TENM2: variants seen among roughly 807,000 people sequenced by gnomAD.
The protein encoded by TENM2 is teneurin transmembrane protein 2.
Under a neutral mutation model 245.2 loss-of-function variants are expected in TENM2, and 52 were observed. That is an observed-to-expected ratio of 0.21 (90% CI 0.17 to 0.27). The LOEUF (loss-of-function observed/expected upper bound fraction) is 0.27. Among genes scored for constraint, TENM2 ranks in the 10% least tolerant of loss-of-function variants. The pLI is 1.00. For synonymous variants in TENM2, 1,363 were observed against 1,438.9 expected (o/e 0.95, Z 1.19); for missense variants, 3,046 against 3,666.8 (o/e 0.83, Z 4.37).
the TENM2 span, among the ~76,000 whole-genome samples, chr5:167,229,177 A>C: frequency 1.1e-3 from 164 of 152,128 alleles, 2 homozygotes; most frequent in Middle Eastern, 3.4e-3. Context: ...TTTGTTGGTG[A>C]CTTAGGGTAT....
Position 167,952,572 on chromosome 5 carries a change from C to T in TENM2, c.713-16C>T. ...AATTTGCAGACGCTAACAGTCATTTCTCCTTTTTTTTTCAGGCCCTCCGAA... is the reference window on the plus strand; with the variant it reads ...AATTTGCAGACGCTAACAGTCATTTTTCCTTTTTTTTTCAGGCCCTCCGAA... On this transcript the variant is annotated splice_polypyrimidine_tract_variant and intron_variant, in intron 3 of 28. Coordinates refer to ENST00000518659, the Ensembl canonical transcript of TENM2. 6.3e-7 allele frequency: 1 copy of T among 1,591,272 alleles called. No homozygotes were observed. The highest frequency in any genetic ancestry group is 8.6e-7 in the Non-Finnish European group (1 of 1,167,818).
chr5:167,831,407 T>C (rs897888094), intron 2 of TENM2, among the ~76,000 whole-genome samples: 5 of 151,868 alleles, frequency 3.3e-5, no homozygotes, highest in Admixed American at 6.6e-5. Flanking sequence ...CCATGTTATA[T>C]TCCTAGTGGT....
At chr5:167,048,064 G>T in the TENM2 span, among the ~76,000 whole-genome samples, 1 of 152,128 alleles carries the variant, frequency 6.6e-6, no homozygotes, top group African/African-American at 2.4e-5. Flanking sequence ...GCCAGAGATA[G>T]AATTCAATAA....
intron 2 of TENM2, among the ~76,000 whole-genome samples, chr5:167,579,647 C>G (rs186673638): frequency 6.6e-6 from 1 of 152,290 alleles, no homozygotes; most frequent in East Asian, 1.9e-4. Flanking sequence ...TCCACAGTAG[C>G]TCTAATTTTT....
chr5:166,979,188 C>CAGCAG, the TENM2 span, among the ~76,000 whole-genome samples: 3 of 97,550 alleles, frequency 3.1e-5, no homozygotes, highest in African/African-American at 1.2e-4. Flanking sequence ...AGCAGCAGCA[C>CAGCAG]CACCACCAGC....
upstream of TENM2, among the ~76,000 whole-genome samples, chr5:167,280,839 A>T (rs1348787895): frequency 6.6e-6 from 1 of 151,200 alleles, no homozygotes; most frequent in East Asian, 2.0e-4. Flanking sequence ...TGCCATATAT[A>T]TGGCAAAAAG....
At chr5:167,644,753 A>G (rs148184740) in intron 2 of TENM2, among the ~76,000 whole-genome samples, 1 of 152,304 alleles carries the variant, frequency 6.6e-6, no homozygotes, top group African/African-American at 2.4e-5. Flanking sequence ...GTTCTTAACA[A>G]TCATACTAAA....
At chr5:167,759,597 G>A (rs977736960) in intron 2 of TENM2, among the ~76,000 whole-genome samples, 13 of 152,158 alleles carry the variant, frequency 8.5e-5, no homozygotes, top group African/African-American at 2.9e-4. Flanking sequence ...GACGTGAGGA[G>A]AGATGGGAAA....
intron 2 of TENM2, among the ~76,000 whole-genome samples, chr5:167,866,112 T>C (rs942662271): frequency 2.0e-5 from 3 of 152,198 alleles, no homozygotes; most frequent in African/African-American, 7.2e-5. Context: ...TGAAAGTATG[T>C]CCTGGGTACC....
intron 2 of TENM2, among the ~76,000 whole-genome samples, chr5:167,600,088 T>TAGCCAA (rs1314946515): frequency 5.4e-5 from 8 of 149,494 alleles, no homozygotes; most frequent in Admixed American, 6.7e-5. Flanking sequence ...GGAGTTTGCT[T>TAGCCAA]CATTTATAGG....
At chr5:168,083,886 A>G (rs1792216071) in intron 7 of TENM2, among the ~76,000 whole-genome samples, 1 of 151,998 alleles carries the variant, frequency 6.6e-6, no homozygotes, top group African/African-American at 2.4e-5. Flanking sequence ...CAACAGTAAA[A>G]ATCCCAGTAG....
chr5:168,199,899 T>C (rs749614361), exon 17 of TENM2: 4 of 1,613,876 alleles, frequency 2.5e-6, no homozygotes, highest in Middle Eastern at 1.6e-4. Context: ...CTGGTTCCAA[T>C]GTGAAACTTC....
chr5:167,799,475 T>A (rs1315996150), intron 2 of TENM2, among the ~76,000 whole-genome samples: 1 of 152,206 alleles, frequency 6.6e-6, no homozygotes, highest in South Asian at 2.1e-4. Flanking sequence ...TCTTTTAAAA[T>A]AAGTGCATCT....
intron 3 of TENM2, among the ~76,000 whole-genome samples, chr5:167,939,408 C>T (rs1274206726): frequency 6.6e-6 from 1 of 152,222 alleles, no homozygotes; most frequent in East Asian, 1.9e-4. Context: ...TCCTACTATG[C>T]TGCCCAGTTC....
At chr5:167,863,788 C>A (rs1171282075) in intron 2 of TENM2, among the ~76,000 whole-genome samples, 1 of 152,124 alleles carries the variant, frequency 6.6e-6, no homozygotes, top group African/African-American at 2.4e-5. Flanking sequence ...CAATAAAGAA[C>A]CCTGATCTCC....
chr5:168,137,025 A>C (rs1341095463), intron 12 of TENM2, among the ~76,000 whole-genome samples: 1 of 152,174 alleles, frequency 6.6e-6, no homozygotes, highest in East Asian at 1.9e-4. Flanking sequence ...CAGCTCTTTG[A>C]GGCCACTCCA....
intron 5 of TENM2, among the ~76,000 whole-genome samples, chr5:168,037,057 A>G (rs1787773895): frequency 6.6e-6 from 1 of 152,034 alleles, no homozygotes; most frequent in Admixed American, 6.6e-5. Context: ...TTTTAACGTG[A>G]TGTTTCTTTC....
chr5:168,189,528 G>A (rs192104644), intron 13 of TENM2, among the ~76,000 whole-genome samples: 196 of 152,298 alleles, frequency 1.3e-3, no homozygotes, highest in African/African-American at 4.4e-3. Context: ...ATAATGTTCC[G>A]AGTCCTGAGG....
At chr5:167,631,184 T>G (rs1047568349) in intron 2 of TENM2, among the ~76,000 whole-genome samples, 2 of 152,082 alleles carry the variant, frequency 1.3e-5, no homozygotes, top group Non-Finnish European at 2.9e-5. Flanking sequence ...AAAAAGTCAG[T>G]AAGCTTGGCG....
Sources: allele counts gnomAD v4.1 joint callset (sites outside exome capture counted in the v4.1 genomes callset), GRCh38; gene constraint gnomAD v4.1.1; transcripts MANE v1.5; gene names NCBI Gene and HGNC (gene_info 2026-07-23, HGNC 2026-07-21).